The following ANKRD55 variants were observed in gnomAD, a reference collection of about 807,000 sequenced individuals.
The protein encoded by ANKRD55 is ankyrin repeat domain 55.
A neutral mutation model predicts 60.6 loss-of-function variants in ANKRD55; 41 were observed. That is an observed-to-expected ratio of 0.68 (90% confidence interval 0.53 to 0.88). ANKRD55 has a LOEUF of 0.88. ANKRD55 is among the 40% of genes least tolerant of loss of function. The probability of loss-of-function intolerance (pLI) is 0.00; values close to 1 mark genes in which losing one functional copy is unlikely to be tolerated. For missense variants in ANKRD55, 732 were observed against 767.6 expected, an observed-to-expected ratio of 0.95 and a Z score of 0.55; for synonymous variants, 264 against 290.3, an observed-to-expected ratio of 0.91 and a Z score of 0.92.
chr5:56,188,011 G>C (rs1759012831), intron 2 of ANKRD55, among the ~76,000 whole-genome samples: 1 of 152,164 alleles, frequency 6.6e-6, no homozygotes, highest in Non-Finnish European at 1.5e-5. Context: ...TCTCCCTGTT[G>C]ATAAGGTAAA....
In ANKRD55 at chr5:56,127,018, C is replaced by T; in HGVS notation, c.701G>A (p.Cys234Tyr). Residue 234 changes from cysteine to tyrosine, a missense_variant, in exon 8 of 12, where the codon TGT becomes TAT. Around this residue, in one of 3 missense-constraint regions of ANKRD55, gnomAD observed 597 missense variants for 607.5 expected, o/e 0.98. Transcript: ENST00000341048. The part of the protein sequence containing the change: ...INYDDESGKT[C>Y]VHIAAAAGFS... ...GCCCGCTGCCGCTGCGATATGTACACATGTCTTCCCACTCTCATCATCATA... is the reference window on the plus strand; with the variant it reads ...GCCCGCTGCCGCTGCGATATGTACATATGTCTTCCCACTCTCATCATCATA... The T allele has an allele frequency of 1.9e-6, 3 of 1,614,066 alleles. No individual in the cohort carries two copies. Among genetic ancestry groups the T allele is most frequent in the African/African-American group, 1.3e-5 (1 of 75,034 alleles).
intron 10 of ANKRD55, among the ~76,000 whole-genome samples, chr5:56,104,489 A>G (rs1303587922): frequency 1.3e-5 from 2 of 152,144 alleles, no homozygotes; most frequent in Non-Finnish European, 2.9e-5. Flanking sequence ...CATTTTGCTC[A>G]GTTTTCAGGG....
At chr5:56,186,079 G>C (rs1758966226) in intron 2 of ANKRD55, among the ~76,000 whole-genome samples, 1 of 152,236 alleles carries the variant, frequency 6.6e-6, no homozygotes, top group South Asian at 2.1e-4. Context: ...AAGGACTATG[G>C]AGGCAGACAA....
At chr5:56,128,018 C>T (rs117373650) in intron 7 of ANKRD55, among the ~76,000 whole-genome samples, 2,927 of 152,222 alleles carry the variant, frequency 0.019, 31 homozygotes, top group South Asian at 0.03. Flanking sequence ...GTGAGCACAC[C>T]TAAGCTTTCA....
intron 5 of ANKRD55, among the ~76,000 whole-genome samples, chr5:56,167,085 T>C (rs1399002551): frequency 6.6e-6 from 1 of 152,250 alleles, no homozygotes; most frequent in Non-Finnish European, 1.5e-5. Flanking sequence ...GGGAATCCTT[T>C]AGGGTGGACT....
At chr5:56,117,444 ATTTATT>A (rs915080383) in intron 8 of ANKRD55, among the ~76,000 whole-genome samples, 45 of 151,972 alleles carry the variant, frequency 3.0e-4, no homozygotes, top group African/African-American at 1.1e-3. Flanking sequence ...TTGACTTTTA[ATTTATT>A]TTTATTTTTA....
intron 8 of ANKRD55, among the ~76,000 whole-genome samples, chr5:56,124,019 G>T (rs576679205): frequency 2.4e-4 from 37 of 152,266 alleles, no homozygotes; most frequent in Admixed American, 1.3e-3. Flanking sequence ...GAGATAATGG[G>T]TCCAAGGATG....
intron 2 of ANKRD55, among the ~76,000 whole-genome samples, chr5:56,187,789 T>C (rs1303725850): frequency 6.6e-6 from 1 of 152,202 alleles, no homozygotes; most frequent in Non-Finnish European, 1.5e-5. Context: ...TAACACTCAC[T>C]GCATGGCCCA....
chr5:56,186,800 T>C (rs145141400), intron 2 of ANKRD55, among the ~76,000 whole-genome samples: 249 of 152,292 alleles, frequency 1.6e-3, no homozygotes, highest in African/African-American at 5.8e-3. Context: ...CACAGTATAT[T>C]TGGGCACAAG....
At chr5:56,228,305 C>T (rs991173353) in intron 2 of ANKRD55, among the ~76,000 whole-genome samples, 4 of 152,066 alleles carry the variant, frequency 2.6e-5, no homozygotes, top group Admixed American at 6.6e-5. Flanking sequence ...AGGAGCGATG[C>T]ACACAGACGA....
At chr5:56,127,191 A>G (rs1203746449) in intron 7 of ANKRD55, 85 bp from the exon 8 acceptor site, 1 of 1,346,098 alleles carries the variant, frequency 7.4e-7, no homozygotes, top group Non-Finnish European at 9.6e-7. Context: ...AATACAAAGG[A>G]AAAAAAGGAA....
intron 2 of ANKRD55, among the ~76,000 whole-genome samples, chr5:56,225,149 T>C (rs1046448516): frequency 3.3e-5 from 5 of 152,312 alleles, no homozygotes; most frequent in Middle Eastern, 6.8e-3. Context: ...TCAAGTTGGC[T>C]TCATCCCTGG....
At chr5:56,229,542 T>A (rs1055769378) in intron 2 of ANKRD55, among the ~76,000 whole-genome samples, 3 of 152,084 alleles carry the variant, frequency 2.0e-5, no homozygotes, top group African/African-American at 7.2e-5. Context: ...CCAGTGGAGA[T>A]CAACTAGTTT....
chr5:56,120,278 C>T lies in ANKRD55; in HGVS notation c.798-3496G>A, dbSNP rs540685023. 1.5e-3 allele frequency among the ~76,000 whole-genome samples: 227 copies of T among 152,208 alleles called. 1 individual carries two copies. Among genetic ancestry groups the T allele is most frequent in the Non-Finnish European group, 1.6e-3 (110 of 67,998 alleles). On this transcript the variant is annotated intron_variant, in intron 8 of 11. Coordinates refer to ENST00000341048, the MANE Select transcript of ANKRD55 (RefSeq NM_024669.3). ...TTTCGATCTCCTGATCCGCCGTCCT[C>T]GGCCTCCCAAAGTGTTGGAATTACA...
intron 6 of ANKRD55, among the ~76,000 whole-genome samples, chr5:56,156,657 A>G (rs1265820818): frequency 1.3e-5 from 2 of 152,162 alleles, no homozygotes; most frequent in Admixed American, 6.5e-5. Context: ...TTGCCCTGAA[A>G]TCTAGAGGTT....
At chr5:56,169,180 A>G (rs1420612083) in intron 5 of ANKRD55, among the ~76,000 whole-genome samples, 1 of 152,166 alleles carries the variant, frequency 6.6e-6, no homozygotes, top group Non-Finnish European at 1.5e-5. Context: ...ATTGTGTTAA[A>G]ACACTGAAGC....
chr5:56,155,799 C>T (rs985710137), intron 6 of ANKRD55, among the ~76,000 whole-genome samples: 7 of 149,826 alleles, frequency 4.7e-5, no homozygotes, highest in African/African-American at 1.5e-4. Context: ...GCACTGACAT[C>T]GCACCATACC....
chr5:56,120,608 G>A (rs773183541), intron 8 of ANKRD55, among the ~76,000 whole-genome samples: 6 of 152,152 alleles, frequency 3.9e-5, no homozygotes, highest in South Asian at 2.1e-4. Context: ...TTCAATGGAC[G>A]AGGTGGGACA....
At chr5:56,230,936 A>C (rs1354628918) in intron 2 of ANKRD55, among the ~76,000 whole-genome samples, 1 of 151,822 alleles carries the variant, frequency 6.6e-6, no homozygotes, top group East Asian at 1.9e-4. Context: ...ATGGGAAAAT[A>C]CTTATTGAAT....
Sources: allele counts gnomAD v4.1 joint callset (sites outside exome capture counted in the v4.1 genomes callset), GRCh38; gene constraint gnomAD v4.1.1; regional missense constraint gnomAD v4.1.1; transcripts MANE v1.5; gene names NCBI Gene and HGNC (gene_info 2026-07-23, HGNC 2026-07-21).